PDE4D: variants seen among roughly 807,000 people sequenced by gnomAD.
PDE4D encodes the protein 3',5'-cyclic-AMP phosphodiesterase 4D.
PDE4D carries 24 observed loss-of-function variants against 87.4 expected under a neutral mutation model. The observed-to-expected ratio is 0.27, with a 90% CI of 0.20 to 0.39. PDE4D has a LOEUF of 0.39. PDE4D is among the 10% of genes least tolerant of loss of function. The pLI is 1.00. For missense variants in PDE4D, 714 were observed against 1,041.0 expected (o/e 0.69, Z 4.32); for synonymous variants, 384 against 383.2 (o/e 1.00, Z -0.02).
chr5:59,713,325 A>G (rs1356302510), intron 1 of PDE4D, among the ~76,000 whole-genome samples: 1 of 152,210 alleles, frequency 6.6e-6, no homozygotes, highest in Non-Finnish European at 1.5e-5. Context: ...GTGCAGGTGC[A>G]CAATTCTGCA....
Position 59,077,016 on chromosome 5 carries a change from G to A in PDE4D, c.809-38045C>T, listed in dbSNP as rs113822167. Among the ~76,000 whole-genome samples, 266 of 152,238 alleles carry A rather than the reference G, an allele frequency of 1.7e-3. 1 individual carries two copies. Among genetic ancestry groups the A allele is most frequent in the African/African-American group, 6.0e-3 (249 of 41,544 alleles). On this transcript the variant is annotated intron_variant, in intron 5 of 14. Transcript: ENST00000340635. ...TAAATAAGTTTCTTTGCAGTGTGGT[G>A]TTAATAGCCAGAATTTTAAATACAT... is the stretch of plus-strand genomic sequence containing the variant.
chr5:59,260,937 C>CAAAAAAA (rs3061504), intron 1 of PDE4D, among the ~76,000 whole-genome samples: 1 of 138,486 alleles, frequency 7.2e-6, no homozygotes, highest in Non-Finnish European at 1.6e-5. Flanking sequence ...CAATATACAC[C>CAAAAAAA]AAAAAAAAAA....
At chr5:59,505,786 C>A (rs1809148762) in intron 1 of PDE4D, among the ~76,000 whole-genome samples, 1 of 152,026 alleles carries the variant, frequency 6.6e-6, no homozygotes, top group South Asian at 2.1e-4. Context: ...TTTTTGCTTC[C>A]TGATAATCTC....
intron 2 of PDE4D, among the ~76,000 whole-genome samples, chr5:60,083,709 T>C (rs1056678016): frequency 6.6e-6 from 1 of 152,226 alleles, no homozygotes; most frequent in Non-Finnish European, 1.5e-5. Flanking sequence ...TCAGAAATAC[T>C]ACTTCCTGTT....
At chr5:59,651,259 AATAAT>A (rs1743443020) in intron 1 of PDE4D, among the ~76,000 whole-genome samples, 1 of 11,064 alleles carries the variant, frequency 9.0e-5, no homozygotes, top group Non-Finnish European at 1.7e-4. Context: ...CTGTCTCAAC[AATAAT>A]AATAATAATA....
chr5:59,625,421 T>G (rs1360850423), intron 1 of PDE4D, among the ~76,000 whole-genome samples: 1 of 152,106 alleles, frequency 6.6e-6, no homozygotes, highest in Non-Finnish European at 1.5e-5. Flanking sequence ...GGTTAGCACC[T>G]TAATTTCAGC....
intron 1 of PDE4D, among the ~76,000 whole-genome samples, chr5:59,688,556 A>G (rs1412579117): frequency 6.6e-6 from 1 of 152,242 alleles, no homozygotes; most frequent in Non-Finnish European, 1.5e-5. Context: ...AATCTCTGGG[A>G]CATATTTAAA....
In PDE4D at chr5:59,068,577, T is replaced by A. The variant is rs143621084; in HGVS notation, c.809-29606A>T. ...CAAATGAAAATTTTAATCTTATTAATGTTATATGCAAAAATGTAACACCTC... is the reference window on the plus strand; with the variant it reads ...CAAATGAAAATTTTAATCTTATTAAAGTTATATGCAAAAATGTAACACCTC... On this transcript the variant is annotated intron_variant, in intron 5 of 14. Transcript: ENST00000340635. Among the ~76,000 whole-genome samples, 58 of 152,328 alleles carry A rather than the reference T, an allele frequency of 3.8e-4. No individual in the cohort carries two copies. The East Asian group carries it at 4.1e-3, about 11-fold the overall frequency.
chr5:59,546,772 T>C (rs551027834), intron 1 of PDE4D, among the ~76,000 whole-genome samples: 6 of 152,180 alleles, frequency 3.9e-5, no homozygotes, highest in Admixed American at 6.6e-5. Context: ...CCACAAAGCT[T>C]CTTTTTCCCC....
intron 1 of PDE4D, among the ~76,000 whole-genome samples, chr5:59,344,505 A>T (rs994199686): frequency 1.3e-5 from 2 of 152,070 alleles, no homozygotes; most frequent in Non-Finnish European, 2.9e-5. Context: ...AGGCTCAAGC[A>T]ATCCTCCCTC....
chr5:58,993,280 T>C (rs1258212613), intron 7 of PDE4D, 92 bp downstream of exon 7: 1 of 643,086 alleles, frequency 1.6e-6, no homozygotes, highest in African/African-American at 1.9e-5. Flanking sequence ...ACTTGTTTGG[T>C]TTCCAAAATG....
chr5:59,076,396 T>C (rs1160414948), intron 5 of PDE4D, among the ~76,000 whole-genome samples: 1 of 152,096 alleles, frequency 6.6e-6, no homozygotes, highest in Non-Finnish European at 1.5e-5. Flanking sequence ...TATTGCTATA[T>C]AATCACAGAA....
chr5:59,301,195 T>C (rs545355135), intron 1 of PDE4D, among the ~76,000 whole-genome samples: 5 of 151,668 alleles, frequency 3.3e-5, no homozygotes, highest in Admixed American at 3.3e-4. Context: ...AAAGCCACAA[T>C]CAGAAAGGCA....
chr5:59,050,788 T>C (rs908027624), intron 5 of PDE4D, among the ~76,000 whole-genome samples: 10 of 152,176 alleles, frequency 6.6e-5, no homozygotes, highest in Non-Finnish European at 1.3e-4. Context: ...CCTGAGCACA[T>C]TGTATACATT....
intron 1 of PDE4D, among the ~76,000 whole-genome samples, chr5:59,860,877 T>C (rs1223121613): frequency 2.0e-5 from 3 of 152,090 alleles, no homozygotes; most frequent in Middle Eastern, 3.4e-3. Flanking sequence ...TTTATTTTTT[T>C]AGATGGAGTC....
chr5:60,463,365 GAC>G (rs981915362), intron 1 of PDE4D, among the ~76,000 whole-genome samples: 10 of 151,782 alleles, frequency 6.6e-5, no homozygotes, highest in Non-Finnish European at 8.8e-5. Context: ...AATACACACA[GAC>G]ACACACAGAC....
At chr5:59,652,393 C>T (rs1743654069) in intron 1 of PDE4D, among the ~76,000 whole-genome samples, 3 of 152,200 alleles carry the variant, frequency 2.0e-5, no homozygotes, top group Admixed American at 6.5e-5. Context: ...ACATCTATCT[C>T]CTTTGATAGA....
chr5:59,809,915 T>A (rs923282784), intron 1 of PDE4D, among the ~76,000 whole-genome samples: 2 of 152,180 alleles, frequency 1.3e-5, no homozygotes, highest in African/African-American at 4.8e-5. Flanking sequence ...AACCCCTCGA[T>A]TGCTTTATTG....
chr5:60,352,532 C>T (rs1336371147), intron 1 of PDE4D, among the ~76,000 whole-genome samples: 1 of 152,212 alleles, frequency 6.6e-6, no homozygotes, highest in African/African-American at 2.4e-5. Context: ...GCTTTGGCCT[C>T]TAATTGGCCC....
Sources: allele counts gnomAD v4.1 joint callset (sites outside exome capture counted in the v4.1 genomes callset), GRCh38; gene constraint gnomAD v4.1.1; transcripts MANE v1.5; gene names NCBI Gene and HGNC (gene_info 2026-07-23, HGNC 2026-07-21).